NISCH: variants seen among roughly 807,000 people sequenced by gnomAD.
NISCH encodes nischarin, also known as I-1 receptor candidate protein.
NISCH carries 55 observed loss-of-function variants against 138.4 expected under a neutral mutation model. The ratio of observed to expected loss-of-function variants is 0.40; its 90% CI spans 0.32 to 0.50. The LOEUF (loss-of-function observed/expected upper bound fraction) is 0.50, where lower values mean the gene tolerates loss of function less well. Among genes scored for constraint, NISCH ranks in the 20% least tolerant of loss-of-function variants. The pLI, the probability that NISCH is intolerant of heterozygous loss-of-function variation, is 0.71. For synonymous variants in NISCH, 860 were observed against 861.5 expected, an observed-to-expected ratio of 1.00 and a Z score of 0.03; for missense variants, 1,643 against 2,005.5, an observed-to-expected ratio of 0.82 and a Z score of 3.45.
intron 8 of NISCH, among the ~76,000 whole-genome samples, chr3:52,476,966 C>T (rs4687543): frequency 0.96 from 145,989 of 152,218 alleles, 70,056 homozygotes; most frequent in African/African-American, 0.99. Context: ...ACCCGGGAGG[C>T]GGATGTTGCA....
intron 3 of NISCH, among the ~76,000 whole-genome samples, chr3:52,460,820 CA>C (rs1706611761): frequency 6.6e-6 from 1 of 152,202 alleles, no homozygotes; most frequent in Admixed American, 6.5e-5. Flanking sequence ...GATAGATTTT[CA>C]GATAATTTAT....
At chr3:52,480,711 A>G in intron 13 of NISCH, 1 of 1,418,652 alleles carries the variant, frequency 7.0e-7, no homozygotes, top group Non-Finnish European at 9.2e-7. Context: ...TGCAGGGAAA[A>G]GCTTGCTTTT....
At chr3:52,481,517 T>C (rs758803) in intron 13 of NISCH, 935,600 of 985,440 alleles carry the variant, frequency 0.95, 444,264 homozygotes, top group African/African-American at 0.99. Context: ...TCCCTGACGC[T>C]GCCTCCTGTA....
intron 20 of NISCH, 74 bp from the exon 21 acceptor site, chr3:52,491,798 C>T: frequency 1.3e-6 from 2 of 1,508,804 alleles, no homozygotes; most frequent in Admixed American, 4.4e-5. Flanking sequence ...TCTCGGTTGG[C>T]TTGGGGCCCT....
chr3:52,459,968 G>A (rs957030192), intron 3 of NISCH, among the ~76,000 whole-genome samples: 1 of 149,584 alleles, frequency 6.7e-6, no homozygotes, highest in Admixed American at 6.6e-5. Context: ...ATCACTTGAG[G>A]TCAGGAGTTC....
chr3:52,456,273 T>C (rs1383863486), intron 1 of NISCH, among the ~76,000 whole-genome samples: 1 of 150,968 alleles, frequency 6.6e-6, no homozygotes, highest in African/African-American at 2.4e-5. Context: ...AGCAGATGCC[T>C]TGGGGGTCGG....
chr3:52,481,346 G>A (rs1293538630), intron 13 of NISCH: 3 of 993,994 alleles, frequency 3.0e-6, no homozygotes, highest in Non-Finnish European at 3.6e-6. Context: ...GCACACTGAG[G>A]TCACACCTGT....
At chr3:52,472,099 C>G in intron 5 of NISCH, 122 bp downstream of exon 5, 1 of 1,144,684 alleles carries the variant, frequency 8.7e-7, no homozygotes. Flanking sequence ...AGGAAGGCCG[C>G]CCGGTTATTC....
chr3:52,488,001 C>G lies in NISCH; in HGVS notation c.2509C>G (p.Gln837Glu). 6.2e-7 allele frequency: 1 copy of G among 1,612,530 alleles called. No homozygotes were observed. Among genetic ancestry groups the G allele is most frequent in the Non-Finnish European group, 8.5e-7 (1 of 1,179,952 alleles). The stretch of plus-strand genomic sequence containing the variant: ...CACCAGCCTGCAGGAGTTCCTGCGC[C>G]AGCTGCTCACCTTCTACAAGGTGGC... ...SHTSLQEFLR[Q>E]LLTFYKVAGG... is the part of the protein sequence containing the mutation. The change falls in exon 16 of 21, where the codon CAG (glutamine) becomes GAG (glutamate). Residue 837 changes from glutamine (Q) to glutamate (E), a missense_variant. Coordinates refer to ENST00000345716, the MANE Select transcript of NISCH (RefSeq NM_007184.4).
At chr3:52,488,679 T>A in intron 16 of NISCH, 74 bp downstream of exon 16, 2 of 1,288,068 alleles carry the variant, frequency 1.6e-6, no homozygotes, top group Non-Finnish European at 2.1e-6. Context: ...CATCTGCGGC[T>A]AGTGTGGGCT....
At chr3:52,488,854 C>G (rs1415776261) in intron 16 of NISCH, among the ~76,000 whole-genome samples, 3 of 152,170 alleles carry the variant, frequency 2.0e-5, no homozygotes, top group Non-Finnish European at 4.4e-5. Flanking sequence ...GGCCCAGCCT[C>G]TTGCCACCCA....
chr3:52,470,952 GT>G (rs773374021), intron 4 of NISCH, 45 bp downstream of exon 4: 1 of 1,601,802 alleles, frequency 6.2e-7, no homozygotes, highest in Non-Finnish European at 8.6e-7. Context: ...AAGTTGTGTA[GT>G]TTTATGAGGC....
chr3:52,492,630 T>G lies in NISCH; in HGVS notation c.*148T>G. On this transcript the variant is annotated 3_prime_UTR_variant, in exon 21 of 21. Coordinates refer to ENST00000345716, the MANE Select transcript of NISCH (RefSeq NM_007184.4). Reference sequence around the variant, plus strand: ...AGAATGTGAACATGTGTGTGTGTTGTGTTAATTCTTTCTCATGTTGGGAGT... The same window carrying G: ...AGAATGTGAACATGTGTGTGTGTTGGGTTAATTCTTTCTCATGTTGGGAGT... The G allele has an allele frequency of 2.7e-6, 3 of 1,098,506 alleles. No homozygotes were observed. The highest frequency in any genetic ancestry group is 3.8e-6 in the Non-Finnish European group (3 of 794,548). The allele number at this position is 1,098,506 out of a possible 1,614,324, so 68.0% of individuals were successfully genotyped here.
In NISCH at chr3:52,490,903, G is replaced by A. The variant is rs966747018; in HGVS notation, c.3742+70G>A. On this transcript the variant is annotated intron_variant, in intron 19 of 20. Coordinates refer to ENST00000345716, the MANE Select transcript of NISCH (RefSeq NM_007184.4). ...CATCACCAGTGGGCTTCCACCTTCC[G>A]TACGTGGGTGGGTTATCATAGACAG... is the stretch of plus-strand genomic sequence containing the variant. 14 of 1,585,404 alleles carry A rather than the reference G, an allele frequency of 8.8e-6. No homozygotes were observed. The African/African-American group carries it at 9.4e-5, about 11-fold the overall frequency.
At chr3:52,482,733 C>T (rs1278200828) in intron 13 of NISCH, among the ~76,000 whole-genome samples, 2 of 152,176 alleles carry the variant, frequency 1.3e-5, no homozygotes, top group African/African-American at 2.4e-5. Context: ...ACCAAGATGG[C>T]GCCACCTGCC....
chr3:52,484,382 T>C, intron 13 of NISCH, 131 bp from the exon 14 acceptor site: 1 of 722,872 alleles, frequency 1.4e-6, no homozygotes, highest in Admixed American at 2.8e-5. Context: ...ATAATCCATG[T>C]GGCTGGGTTT....
In NISCH at chr3:52,472,337, A is replaced by G. The variant is rs1706974733; in HGVS notation, c.608A>G (p.Asn203Ser). Reference protein sequence around the residue: ...SGTEGPFGTSNIQEQLLPFDL... With the variant: ...SGTEGPFGTSSIQEQLLPFDL... The stretch of plus-strand genomic sequence containing the variant: ...ACAGAAGGACCTTTTGGGACCAGCA[A>G]CATTCAGGAGCAGCTCCTGCCGTTC... The change falls in exon 6 of 21, where the codon AAC (asparagine) becomes AGC (serine). Residue 203 changes from asparagine (N) to serine (S), a missense_variant. Physicochemically the swap from Asn to Ser is conservative, Grantham distance 46 (BLOSUM62 1). Coordinates refer to ENST00000345716, the MANE Select transcript of NISCH (RefSeq NM_007184.4). 1 of 1,614,162 alleles carries G rather than the reference A, an allele frequency of 6.2e-7. No individual in the cohort carries two copies. The highest frequency in any genetic ancestry group is 1.1e-5 in the South Asian group (1 of 91,082).
Position 52,489,350 on chromosome 3 carries a change from C to A in NISCH, c.3128C>A (p.Pro1043His), listed in dbSNP as rs1471616393. ...AERRASNDQR[P>H]QEVPAEALAP... ...GGGGGATACAGCAATGACCAGCGTC[C>A]CCAGGAGGTCCCAGCAGAGGCTCTG... Residue 1043 changes from proline (P) to histidine (H), a missense_variant, in exon 17 of 21, where the codon CCC becomes CAC. Physicochemically the swap from Pro to His is moderately conservative, Grantham distance 77. Coordinates refer to ENST00000345716, the MANE Select transcript of NISCH (RefSeq NM_007184.4). 1.2e-6 allele frequency: 2 copies of A among 1,612,538 alleles called. No individual in the cohort carries two copies. The highest frequency in any genetic ancestry group is 2.7e-5 in the African/African-American group (2 of 74,922).
At chr3:52,464,793 G>A (rs957111295) in intron 3 of NISCH, among the ~76,000 whole-genome samples, 10 of 151,870 alleles carry the variant, frequency 6.6e-5, no homozygotes, top group African/African-American at 7.3e-5. Context: ...CCAAAGTGCC[G>A]GCATTACAGC....
Sources: gnomAD v4.1 joint callset for allele counts (sites outside exome capture counted in the v4.1 genomes callset) on GRCh38, gnomAD v4.1.1 for gene constraint, MANE v1.5 for transcripts, NCBI Gene and HGNC (gene_info 2026-07-23, HGNC 2026-07-21) for gene names.